Variants in NUP153 observed in about 807,000 individuals in gnomAD.
NUP153 encodes the protein nuclear pore complex protein Nup153.
In NUP153, 27 loss-of-function variants were observed where a neutral mutation model predicts 134.6. The ratio of observed to expected loss-of-function variants is 0.20; its 90% CI spans 0.15 to 0.28. The LOEUF (loss-of-function observed/expected upper bound fraction) is 0.28, where lower values mean the gene tolerates loss of function less well. Ranked by LOEUF, NUP153 falls within the 10% of genes least tolerant of loss-of-function variation. The pLI is 1.00. For synonymous variants in NUP153, 640 were observed against 623.5 expected (o/e 1.03, Z -0.40); for missense variants, 1,821 against 1,731.3 (o/e 1.05, Z -0.92).
At chr6:17,689,936 C>A (rs1164415417) in intron 1 of NUP153, among the ~76,000 whole-genome samples, 1 of 152,144 alleles carries the variant, frequency 6.6e-6, no homozygotes, top group Non-Finnish European at 1.5e-5. Flanking sequence ...GCAATTTATA[C>A]ATATTATTTA....
At chr6:17,697,428 G>A (rs908023841) in intron 1 of NUP153, among the ~76,000 whole-genome samples, 1 of 152,356 alleles carries the variant, frequency 6.6e-6, no homozygotes, top group South Asian at 2.1e-4. Context: ...GCTCATGCCT[G>A]TAATCCCAGC....
intron 1 of NUP153, among the ~76,000 whole-genome samples, chr6:17,704,954 G>T (rs544363301): frequency 1.3e-5 from 2 of 152,202 alleles, no homozygotes; most frequent in African/African-American, 4.8e-5. Context: ...TAGGGACGGG[G>T]TTTCACCGTC....
At chr6:17,703,899 G>A (rs1561918838) in intron 1 of NUP153, among the ~76,000 whole-genome samples, 3 of 152,204 alleles carry the variant, frequency 2.0e-5, no homozygotes, top group Non-Finnish European at 4.4e-5. Flanking sequence ...TACACAGCCT[G>A]AAGTCGTATC....
intron 8 of NUP153, among the ~76,000 whole-genome samples, chr6:17,668,138 C>T (rs1468364481): frequency 7.1e-6 from 1 of 141,316 alleles, no homozygotes; most frequent in African/African-American, 2.7e-5. Context: ...TGCAGTGGCG[C>T]GGCCTCGGCT....
At chr6:17,659,606 G>C (rs1484691510) in intron 11 of NUP153, among the ~76,000 whole-genome samples, 1 of 152,112 alleles carries the variant, frequency 6.6e-6, no homozygotes, top group Non-Finnish European at 1.5e-5. Flanking sequence ...CCGAGTAGCT[G>C]GGACTACACA....
rs373196566 is a variant in NUP153 at position 17,706,357 on chromosome 6, C to T, written c.31G>A (p.Gly11Ser). ...CGCGTCCGGATCTTGCCGCCACCGC[C>T]CCCTCCGACTCCTCCGGCTCCCGAG... MASGAGGVGG[G>S]GGGKIRTRRC... is the part of the protein sequence containing the mutation. Residue 11 changes from glycine to serine, a missense_variant, in exon 1 of 22, where the codon GGC becomes AGC. By Grantham distance (56) the Gly-to-Ser change is moderately conservative. Coordinates refer to ENST00000262077, the MANE Select transcript of NUP153 (RefSeq NM_005124.4). This position sits in a 1 kb window ranked among gnomAD's most constrained non-coding sequence, Gnocchi z 5.9. The T allele has an allele frequency of 3.7e-6, 6 of 1,613,176 alleles. No individual in the cohort carries two copies. The highest frequency in any genetic ancestry group is 5.1e-6 in the Non-Finnish European group (6 of 1,179,700).
Position 17,619,824 on chromosome 6 carries a change from G to A in NUP153, c.4175-3129C>T, listed in dbSNP as rs144408253. 3.7e-4 allele frequency among the ~76,000 whole-genome samples: 57 copies of A among 152,190 alleles called. 2 individuals are homozygous for A. In the East Asian group the frequency reaches 4.1e-3, roughly 11 times the overall value. ...GAAATAGAAACATATCCGGCCAGGC[G>A]CTGTGGCTCACACCTATAATCCTAG... On this transcript the variant is annotated intron_variant, in intron 20 of 21. Coordinates refer to ENST00000262077, the MANE Select transcript of NUP153 (RefSeq NM_005124.4).
chr6:17,695,376 G>A (rs1051354993), intron 1 of NUP153, among the ~76,000 whole-genome samples: 1 of 152,104 alleles, frequency 6.6e-6, no homozygotes, highest in South Asian at 2.1e-4. Flanking sequence ...CCACTATACT[G>A]AAACCATCAA....
At chr6:17,668,848 A>G (rs1328762824) in intron 8 of NUP153, 127 bp downstream of exon 8, 1 of 662,240 alleles carries the variant, frequency 1.5e-6, no homozygotes, top group South Asian at 2.0e-5. Context: ...GACTCAAAAA[A>G]AAAAAGAATA....
chr6:17,660,307 G>A (rs1360513831), intron 11 of NUP153, among the ~76,000 whole-genome samples: 4 of 152,116 alleles, frequency 2.6e-5, no homozygotes, highest in Non-Finnish European at 5.9e-5. Flanking sequence ...GGAGTCACTG[G>A]TGAAATTTTA....
rs771597906 is a variant in NUP153, at chr6:17,637,624, C to A, written c.1993G>T (p.Asp665Tyr). 2 of 1,614,030 alleles carry A rather than the reference C, an allele frequency of 1.2e-6. No individual in the cohort carries two copies. The highest frequency in any genetic ancestry group is 1.7e-6 in the Non-Finnish European group (2 of 1,180,036). The change falls in exon 16 of 22, where the codon GAT (aspartate) becomes TAT (tyrosine). Residue 665 changes from aspartate (D) to tyrosine (Y), a missense_variant. Coordinates refer to ENST00000262077, the MANE Select transcript of NUP153 (RefSeq NM_005124.4). Reference sequence around the variant, plus strand: ...ACTTTGTTCTGGAGTAGACATGTATCACACTGCCATGATGACCCAGCTTTT... The same window carrying A: ...ACTTTGTTCTGGAGTAGACATGTATAACACTGCCATGATGACCCAGCTTTT... ...SLKAGSSWQC[D>Y]TCLLQNKVTD...
In NUP153 at chr6:17,706,331, C is replaced by T; in HGVS notation, c.57G>A (p.Arg19=). 6.2e-7 allele frequency: 1 copy of T among 1,613,602 alleles called. No homozygotes were observed. The highest frequency in any genetic ancestry group is 8.5e-7 in the Non-Finnish European group (1 of 1,179,770). The stretch of plus-strand genomic sequence containing the variant: ...GCTTAATTGGCCCCTGGTGGCAACG[C>T]CGCGTCCGGATCTTGCCGCCACCGC... ...GGGGGGKIRT[R]RCHQGPIKPY... The change falls in exon 1 of 22, where the codon CGG becomes CGA. Residue 19 remains arginine (R), a synonymous_variant. Coordinates refer to ENST00000262077, the MANE Select transcript of NUP153 (RefSeq NM_005124.4). This position sits in a 1 kb window ranked among gnomAD's most constrained non-coding sequence, Gnocchi z 5.9.
At chr6:17,701,834 G>GGA (rs1554148684) in intron 1 of NUP153, among the ~76,000 whole-genome samples, 1 of 103,736 alleles carries the variant, frequency 9.6e-6, no homozygotes, top group Non-Finnish European at 2.1e-5. Context: ...CTCTGTCTCG[G>GGA]GGGGGGGGGG....
At chr6:17,630,957 C>T (rs1277404561) in intron 17 of NUP153, among the ~76,000 whole-genome samples, 1 of 152,106 alleles carries the variant, frequency 6.6e-6, no homozygotes, top group Admixed American at 6.5e-5. Flanking sequence ...TACTAAGATA[C>T]TTAAAAGTAT....
intron 13 of NUP153, 30 bp downstream of exon 13, chr6:17,647,777 A>T: frequency 7.7e-7 from 1 of 1,290,738 alleles, no homozygotes; most frequent in South Asian, 1.2e-5. Flanking sequence ...GAAATCAGTA[A>T]ATATATACTA....
rs750256636 is a variant in NUP153 at position 17,629,384 on chromosome 6, C to T, written c.2815G>A (p.Asp939Asn). The T allele has an allele frequency of 6.2e-7, 1 of 1,613,876 alleles. No homozygotes were observed. The highest frequency in any genetic ancestry group is 2.2e-5 in the East Asian group (1 of 44,854). The change falls in exon 18 of 22, where the codon GAT (aspartate) becomes AAT (asparagine). Residue 939 changes from aspartate to asparagine, a missense_variant. Coordinates refer to ENST00000262077, the MANE Select transcript of NUP153 (RefSeq NM_005124.4). ...CTCATGGGGTTTATAGACCCAGAATCGGATGACACACCTATTTTGAATCCT... is the reference window on the plus strand; with the variant it reads ...CTCATGGGGTTTATAGACCCAGAATTGGATGACACACCTATTTTGAATCCT... ...QGGFKIGVSS[D>N]SGSINPMSEG...
chr6:17,673,675 C>T (rs1768048565), intron 5 of NUP153, among the ~76,000 whole-genome samples: 1 of 152,126 alleles, frequency 6.6e-6, no homozygotes, highest in African/African-American at 2.4e-5. Flanking sequence ...TACATGCCTA[C>T]TAGAATAGCA....
intron 20 of NUP153, among the ~76,000 whole-genome samples, chr6:17,621,908 GTAT>G (rs1189902917): frequency 1.3e-5 from 2 of 152,106 alleles, no homozygotes; most frequent in African/African-American, 4.8e-5. Flanking sequence ...ATTACACATT[GTAT>G]GTATGTAACA....
chr6:17,695,147 A>G (rs1769557264), intron 1 of NUP153, among the ~76,000 whole-genome samples: 1 of 152,170 alleles, frequency 6.6e-6, no homozygotes, highest in Non-Finnish European at 1.5e-5. Context: ...ATCTCACAAA[A>G]TTCCCTTTAA....
Sources: allele counts gnomAD v4.1 joint callset (sites outside exome capture counted in the v4.1 genomes callset), GRCh38; gene constraint gnomAD v4.1.1; non-coding constraint Gnocchi (gnomAD v3.1); transcripts MANE v1.5; gene names NCBI Gene and HGNC (gene_info 2026-07-23, HGNC 2026-07-21).